The following ERN1 variants were observed in gnomAD, a reference collection of about 807,000 sequenced individuals.
ERN1 encodes serine/threonine-protein kinase/endoribonuclease IRE1.
A neutral mutation model predicts 113.1 loss-of-function variants in ERN1; 39 were observed. The observed-to-expected ratio is 0.34, with a 90% confidence interval of 0.27 to 0.45. The LOEUF (loss-of-function observed/expected upper bound fraction) is 0.45. ERN1 is among the 20% of genes least tolerant of loss of function. The pLI is 1.00. For missense variants in ERN1, 976 were observed against 1,274.8 expected (o/e 0.77, Z 3.57); for synonymous variants, 507 against 515.9 (o/e 0.98, Z 0.23).
At chr17:64,075,856 G>A (rs1913576549) in intron 4 of ERN1, among the ~76,000 whole-genome samples, 1 of 152,194 alleles carries the variant, frequency 6.6e-6, no homozygotes, top group Non-Finnish European at 1.5e-5. Context: ...GTGCTTTGTA[G>A]AGCCCCATGG....
chr17:64,113,486 T>G (rs1335978157), intron 1 of ERN1, among the ~76,000 whole-genome samples: 1 of 151,910 alleles, frequency 6.6e-6, no homozygotes, highest in East Asian at 1.9e-4. Flanking sequence ...ACTTTATTTT[T>G]CCAGAGCATT....
chr17:64,130,108 G>A lies in ERN1; in HGVS notation c.-79C>T, dbSNP rs1915202430. ...GGCGCCGCGACGACAGCGAGGCGGTGACCGAGCCTCAGCGGACGCAGAACT... is the reference window on the plus strand; with the variant it reads ...GGCGCCGCGACGACAGCGAGGCGGTAACCGAGCCTCAGCGGACGCAGAACT... On this transcript the variant is annotated 5_prime_UTR_variant, in exon 1 of 22. Coordinates refer to ENST00000433197, the MANE Select transcript of ERN1 (RefSeq NM_001433.5). The surrounding 1 kb of genome is among the most constrained non-coding windows in gnomAD (Gnocchi z 4.0). The A allele has an allele frequency of 1.6e-6, 2 of 1,242,746 alleles. No homozygotes were observed. The highest frequency in any genetic ancestry group is 2.0e-6 in the Non-Finnish European group (2 of 978,784). The allele number at this position is 1,242,746 out of a possible 1,614,324, so 77.0% of individuals were successfully genotyped here.
intron 10 of ERN1, among the ~76,000 whole-genome samples, chr17:64,060,843 A>C (rs1258109204): frequency 1.3e-5 from 2 of 152,238 alleles, no homozygotes. Flanking sequence ...GACAGGGATC[A>C]GGACATTTGG....
chr17:64,089,762 A>G (rs1214566883), intron 2 of ERN1, among the ~76,000 whole-genome samples: 1 of 152,126 alleles, frequency 6.6e-6, no homozygotes, highest in Non-Finnish European at 1.5e-5. Flanking sequence ...CCCTGTCTAG[A>G]TAAATGCAGT....
At chr17:64,064,236 G>A (rs1913147079) in intron 9 of ERN1, 85 bp from the exon 10 acceptor site, 5 of 1,430,778 alleles carry the variant, frequency 3.5e-6, no homozygotes, top group Non-Finnish European at 4.7e-6. Context: ...GTCCTGAAAG[G>A]TGAGCAATTT....
At chr17:64,075,094 CCT>C (rs1261769992) in intron 5 of ERN1, 79 bp downstream of exon 5, 3 of 1,144,850 alleles carry the variant, frequency 2.6e-6, no homozygotes, top group Admixed American at 2.0e-5. Context: ...GTGACTGCGC[CCT>C]CTCTCTCCGC....
chr17:64,088,727 G>GCTA (rs1489167144), intron 2 of ERN1, among the ~76,000 whole-genome samples: 2 of 152,150 alleles, frequency 1.3e-5, no homozygotes, highest in Non-Finnish European at 2.9e-5. Context: ...ATAACGAACT[G>GCTA]CTAGAACATG....
Position 64,054,202 on chromosome 17 carries a change from AG to A in ERN1, c.1953+47del. ...TGATCTGCTCACTTTGGCCTCCCAA[AG>A]TGCTATGACTTTAATAAAGTTAACA... On this transcript the variant is annotated intron_variant, in intron 15 of 21. Transcript: ENST00000433197. This position sits in a 1 kb window ranked among gnomAD's most constrained non-coding sequence, Gnocchi z 4.9. The A allele has an allele frequency of 2.6e-6, 4 of 1,513,276 alleles. No homozygotes were observed. Among genetic ancestry groups the A allele is most frequent in the Non-Finnish European group, 3.6e-6 (4 of 1,120,304 alleles). 93.7% of individuals were successfully genotyped at this position (1,513,276 alleles called of 1,614,324 possible).
chr17:64,084,374 A>G, intron 2 of ERN1, among the ~76,000 whole-genome samples: 1 of 152,094 alleles, frequency 6.6e-6, no homozygotes, highest in East Asian at 1.9e-4. Flanking sequence ...ACACCATAGG[A>G]ACCCTTTGTC....
Position 64,098,894 on chromosome 17 carries a change from C to T in ERN1, c.55-653G>A, listed in dbSNP as rs141063142. 4.7e-3 allele frequency among the ~76,000 whole-genome samples: 715 copies of T among 152,152 alleles called. 5 individuals are homozygous for T. The highest frequency in any genetic ancestry group is 0.017 in the African/African-American group (688 of 41,550). On this transcript the variant is annotated intron_variant, in intron 1 of 21. Transcript: ENST00000433197. ...ACAAAAAAAATTTTAAAAGAAATAA[C>T]CAAAGGCTGTGACATTTCCCATCCA...
At chr17:64,102,149 G>T (rs1914401618) in intron 1 of ERN1, among the ~76,000 whole-genome samples, 1 of 152,132 alleles carries the variant, frequency 6.6e-6, no homozygotes, top group Non-Finnish European at 1.5e-5. Context: ...AGCCAGGCCT[G>T]GTGGCAGACA....
chr17:64,047,918 C>T lies in ERN1; in HGVS notation c.2469G>A (p.Ala823=), dbSNP rs56371725. ...AGAACGGGTGTTTGAGCACATGCTT[C>T]GCTGAGGGGCGTTTCTGAGGATCCA... ...IAMDPQKRPS[A]KHVLKHPFFW... The change falls in exon 19 of 22, where the codon GCG becomes GCA. Residue 823 remains alanine, a synonymous_variant. Transcript: ENST00000433197. The T allele has an allele frequency of 0.014, 23,202 of 1,613,320 alleles. 235 individuals are homozygous for T. Among genetic ancestry groups the T allele is most frequent in the South Asian group, 0.021 (1,875 of 91,012 alleles).
At position 64,054,862 on chromosome 17, in the gene ERN1, A is replaced by G. The variant is rs1178411222; in HGVS notation, c.1673-34T>C. ...AAATAGGAAAAAGAGATTGTTTCAAACAGATATCACCTAAAGAACCTTGAG... is the reference window on the plus strand; with the variant it reads ...AAATAGGAAAAAGAGATTGTTTCAAGCAGATATCACCTAAAGAACCTTGAG... On this transcript the variant is annotated intron_variant, in intron 13 of 21. Coordinates refer to ENST00000433197, the MANE Select transcript of ERN1 (RefSeq NM_001433.5). The surrounding 1 kb of genome is among the most constrained non-coding windows in gnomAD (Gnocchi z 4.9). 7 of 1,476,458 alleles carry G rather than the reference A, an allele frequency of 4.7e-6. No individual in the cohort carries two copies. Among genetic ancestry groups the G allele is most frequent in the Admixed American group, 1.9e-5 (1 of 53,582 alleles). The allele number at this position is 1,476,458 out of a possible 1,614,324, so 91.5% of individuals were successfully genotyped here. A position where few individuals can be genotyped will look rare whatever the true frequency, so the allele number is the denominator to read the frequency against.
chr17:64,128,395 T>G (rs912324476), intron 1 of ERN1, among the ~76,000 whole-genome samples: 3 of 152,176 alleles, frequency 2.0e-5, no homozygotes, highest in Non-Finnish European at 2.9e-5. Context: ...CTGAGAAGTT[T>G]GGATTTCTAA....
At chr17:64,061,977 C>T (rs935318513) in intron 10 of ERN1, among the ~76,000 whole-genome samples, 2 of 152,378 alleles carry the variant, frequency 1.3e-5, no homozygotes. Context: ...TTCTTGTAAA[C>T]AGGCTTCTCC....
intron 19 of ERN1, 97 bp from the exon 20 acceptor site, chr17:64,045,579 G>T: frequency 6.6e-7 from 1 of 1,524,050 alleles, no homozygotes; most frequent in Non-Finnish European, 9.0e-7. Context: ...TGACACATAA[G>T]CCTGCCCCAG....
At chr17:64,098,553 T>C (rs1327268309) in intron 1 of ERN1, 2 of 582,956 alleles carry the variant, frequency 3.4e-6, no homozygotes, top group East Asian at 4.3e-5. Flanking sequence ...TCTGACTTCC[T>C]TCTCTTGGGC....
intron 5 of ERN1, among the ~76,000 whole-genome samples, chr17:64,072,472 G>T (rs989532653): frequency 1.3e-5 from 2 of 152,244 alleles, no homozygotes; most frequent in Admixed American, 6.5e-5. Context: ...TAGAAATACA[G>T]AAATGTGCCC....
At chr17:64,111,526 T>A (rs564608088) in intron 1 of ERN1, among the ~76,000 whole-genome samples, 3 of 152,194 alleles carry the variant, frequency 2.0e-5, no homozygotes, top group Admixed American at 6.5e-5. Flanking sequence ...CAGCTAATTT[T>A]TTGTATTTTT....
Sources: gnomAD v4.1 joint callset for allele counts (sites outside exome capture counted in the v4.1 genomes callset) on GRCh38, gnomAD v4.1.1 for gene constraint, Gnocchi (gnomAD v3.1) non-coding constraint, MANE v1.5 for transcripts, NCBI Gene and HGNC (gene_info 2026-07-23, HGNC 2026-07-21) for gene names.